SEC11A: variants seen among roughly 807,000 people sequenced by gnomAD.
The protein encoded by SEC11A is signal peptidase complex catalytic subunit SEC11A.
A neutral mutation model predicts 25.6 loss-of-function variants in SEC11A; 14 were observed. The ratio of observed to expected loss-of-function variants is 0.55; its 90% confidence interval spans 0.36 to 0.85. SEC11A has a LOEUF of 0.85. Ranked by LOEUF, SEC11A falls within the 40% of genes least tolerant of loss-of-function variation. The pLI is 0.01. For synonymous variants in SEC11A, 83 were observed against 76.4 expected (o/e 1.09, Z -0.45); for missense variants, 153 against 222.9 (o/e 0.69, Z 2.00).
intron 1 of SEC11A, among the ~76,000 whole-genome samples, chr15:84,706,986 C>T (rs555252737): frequency 1.3e-5 from 2 of 152,202 alleles, no homozygotes; most frequent in East Asian, 1.9e-4. Context: ...TGGCCTCCCG[C>T]GGATCCTTCC....
At chr15:84,712,929 G>A (rs1165054819) in intron 1 of SEC11A, among the ~76,000 whole-genome samples, 5 of 152,076 alleles carry the variant, frequency 3.3e-5, no homozygotes, top group Admixed American at 1.3e-4. Flanking sequence ...TCGGCCGGCC[G>A]GGAGCAGTGG....
chr15:84,715,881 CCA>C, intron 1 of SEC11A, 142 bp downstream of exon 1: 1 of 757,566 alleles, frequency 1.3e-6, no homozygotes, highest in Non-Finnish European at 2.2e-6. Flanking sequence ...CGGCCTCTGG[CCA>C]CAGTCTCCAA....
chr15:84,713,206 A>C (rs1898342716), intron 1 of SEC11A, among the ~76,000 whole-genome samples: 1 of 152,086 alleles, frequency 6.6e-6, no homozygotes, highest in South Asian at 2.1e-4. Context: ...AAAAAAAAAA[A>C]AAACACTTAT....
rs527714821 is a variant in SEC11A at position 84,711,680 on chromosome 15, G to A, written c.51+4345C>T. ...CTAAAAATACAAAAATTAGCCAGAC[G>A]TGGTGGCGCACACCTGTAATCCCAG... On this transcript the variant is annotated intron_variant, in intron 1 of 5. Coordinates refer to ENST00000268220, the MANE Select transcript of SEC11A (RefSeq NM_014300.4). Among the ~76,000 whole-genome samples, 16 of 150,856 alleles carry A rather than the reference G, an allele frequency of 1.1e-4. No individual in the cohort carries two copies. The South Asian group carries it at 1.5e-3, about 14-fold the overall frequency.
chr15:84,695,087 CT>C (rs1170023175), intron 1 of SEC11A, among the ~76,000 whole-genome samples: 1 of 27,526 alleles, frequency 3.6e-5, no homozygotes, highest in African/African-American at 1.8e-4. Context: ...AAGACTCCAT[CT>C]AAAAAAAAAA....
At chr15:84,695,342 A>C (rs1897736242) in intron 1 of SEC11A, among the ~76,000 whole-genome samples, 4 of 151,768 alleles carry the variant, frequency 2.6e-5, no homozygotes. Flanking sequence ...ACATGCCTGT[A>C]ATCTCAGATA....
intron 3 of SEC11A, 90 bp downstream of exon 3, chr15:84,687,535 T>G: frequency 9.1e-7 from 1 of 1,097,094 alleles, no homozygotes; most frequent in Non-Finnish European, 1.2e-6. Flanking sequence ...GGTTCCTCAC[T>G]GTTTTACAAT....
chr15:84,694,810 G>T (rs1897712659), intron 1 of SEC11A, among the ~76,000 whole-genome samples: 1 of 151,914 alleles, frequency 6.6e-6, no homozygotes, highest in Non-Finnish European at 1.5e-5. Context: ...TACAAAAAAA[G>T]GCCGAGTGCA....
chr15:84,703,646 G>A (rs1596082141), intron 1 of SEC11A, among the ~76,000 whole-genome samples: 1 of 152,158 alleles, frequency 6.6e-6, no homozygotes, highest in Non-Finnish European at 1.5e-5. Context: ...TACAGCAGTT[G>A]TTCATTTTGC....
At chr15:84,671,534 A>T (rs974105125) in intron 4 of SEC11A, 5 of 152,224 alleles carry the variant, frequency 3.3e-5, no homozygotes, top group Non-Finnish European at 5.9e-5. Context: ...CCTCAAACTA[A>T]GCAAAACCAC....
chr15:84,689,308 C>T (rs1013244824), intron 2 of SEC11A, among the ~76,000 whole-genome samples: 1 of 152,062 alleles, frequency 6.6e-6, no homozygotes, highest in Admixed American at 6.6e-5. Flanking sequence ...TGAATATATT[C>T]ACTTGCTTGA....
intron 1 of SEC11A, among the ~76,000 whole-genome samples, chr15:84,699,324 A>C (rs1897857573): frequency 6.6e-6 from 1 of 151,838 alleles, no homozygotes; most frequent in Non-Finnish European, 1.5e-5. Flanking sequence ...TCCAAAAAAA[A>C]AAAAAAAAAA....
chr15:84,714,109 C>T (rs1898381178), intron 1 of SEC11A, among the ~76,000 whole-genome samples: 1 of 149,624 alleles, frequency 6.7e-6, no homozygotes, highest in Non-Finnish European at 1.5e-5. Flanking sequence ...GCAATCTCCA[C>T]CTCCCAGGCG....
chr15:84,670,564 G>A, intron 5 of SEC11A, 161 bp downstream of exon 5: 1 of 409,664 alleles, frequency 2.4e-6, no homozygotes, highest in South Asian at 4.5e-5. Context: ...TTTTTTAATA[G>A]AGACGGGGTT....
At chr15:84,686,755 G>C (rs1434174945) in intron 3 of SEC11A, 1 of 152,324 alleles carries the variant, frequency 6.6e-6, no homozygotes, top group Non-Finnish European at 1.5e-5. Context: ...CTGGAGTGCA[G>C]TGGCACAAAC....
At chr15:84,693,346 T>C in intron 1 of SEC11A, among the ~76,000 whole-genome samples, 1 of 148,352 alleles carries the variant, frequency 6.7e-6, no homozygotes, top group Non-Finnish European at 1.5e-5. Flanking sequence ...GGATCTTGGT[T>C]CAAAAAAAAA....
At chr15:84,677,576 C>T (rs1355722555) in intron 4 of SEC11A, among the ~76,000 whole-genome samples, 3 of 151,376 alleles carry the variant, frequency 2.0e-5, no homozygotes, top group Admixed American at 2.0e-4. Flanking sequence ...GGGTTCATGC[C>T]ATTCTCCTGC....
intron 4 of SEC11A, 156 bp from the exon 5 acceptor site, chr15:84,670,938 A>G (rs1475004935): frequency 4.6e-6 from 2 of 433,468 alleles, no homozygotes; most frequent in Non-Finnish European, 8.5e-6. Flanking sequence ...CAAAAGCCCA[A>G]GTGATAGGAA....
At chr15:84,681,120 G>T (rs1181791237) in intron 3 of SEC11A, among the ~76,000 whole-genome samples, 4 of 151,648 alleles carry the variant, frequency 2.6e-5, no homozygotes, top group Admixed American at 6.6e-5. Context: ...GTGAAGAAAA[G>T]AATACAAAAT....
Sources: allele counts gnomAD v4.1 joint callset (sites outside exome capture counted in the v4.1 genomes callset), GRCh38; gene constraint gnomAD v4.1.1; transcripts MANE v1.5; gene names NCBI Gene and HGNC (gene_info 2026-07-23, HGNC 2026-07-21).